OPHN1: variants seen among roughly 807,000 people sequenced by gnomAD.
OPHN1 encodes the protein oligophrenin-1.
OPHN1 carries 11 observed loss-of-function variants against 60.7 expected under a neutral mutation model. The observed-to-expected ratio is 0.18, with a 90% CI of 0.11 to 0.30. OPHN1 has a LOEUF of 0.30. Ranked by LOEUF, OPHN1 falls within the 10% of genes least tolerant of loss-of-function variation. The pLI is 1.00. For synonymous variants in OPHN1, 226 were observed against 222.6 expected, an observed-to-expected ratio of 1.02 and a Z score of -0.14; for missense variants, 449 against 611.0, an observed-to-expected ratio of 0.73 and a Z score of 2.80.
rs758527869 is a variant in OPHN1, at chrX:68,327,804, A to T, written c.155-28708T>A. On this transcript the variant is annotated intron_variant, in intron 2 of 24. Transcript: ENST00000355520. ...AATAAAAAATAAAAAAAATAAAAAA[A>T]AAAAAAAAAAAAATTTTAAACTTTT... Among the ~76,000 whole-genome samples, 93 of 73,090 alleles carry T rather than the reference A, an allele frequency of 1.3e-3. 6 individuals are homozygous for T. The highest frequency in any genetic ancestry group is 5.6e-3 in the Middle Eastern group (1 of 179). The allele number at this position is 73,090 out of a possible 115,157, so 63.5% of individuals were successfully genotyped here. A position where few individuals can be genotyped will look rare whatever the true frequency, so the allele number is the denominator to read the frequency against.
In OPHN1 at chrX:68,184,151, A is replaced by C. The variant is rs1158238625; in HGVS notation, c.1276+8768T>G. Among the ~76,000 whole-genome samples the C allele has an allele frequency of 2.7e-5, 3 of 111,991 alleles. No individual in the cohort carries two copies. The Admixed American group carries it at 2.8e-4, about 11-fold the overall frequency. ...CATGGCACATGTATACATATGTAAC[A>C]AACCTGCACGTTGTGCACATGTACC... On this transcript the variant is annotated intron_variant, in intron 15 of 24. Coordinates refer to ENST00000355520, the MANE Select transcript of OPHN1 (RefSeq NM_002547.3).
chrX:68,122,326 T>C (rs138088335), intron 15 of OPHN1, among the ~76,000 whole-genome samples: 1 of 111,463 alleles, frequency 9.0e-6, no homozygotes, highest in East Asian at 2.9e-4. Context: ...ATGGATTGGA[T>C]GAAAACACTC....
intron 15 of OPHN1, among the ~76,000 whole-genome samples, chrX:68,155,233 C>T (rs1297266423): frequency 2.7e-5 from 3 of 111,493 alleles, no homozygotes; most frequent in Non-Finnish European, 5.7e-5. Context: ...ACAGTTTTGG[C>T]ACACAAAAAA....
chrX:68,259,472 G>A (rs1436635067), intron 5 of OPHN1, among the ~76,000 whole-genome samples: 2 of 110,766 alleles, frequency 1.8e-5, no homozygotes, highest in African/African-American at 6.6e-5. Context: ...AATTGTTTAA[G>A]AAATCATGAG....
intron 6 of OPHN1, among the ~76,000 whole-genome samples, chrX:68,217,363 C>A (rs2077617866): frequency 8.9e-6 from 1 of 111,921 alleles, no homozygotes; most frequent in African/African-American, 3.2e-5. Context: ...GGGGCGCCCG[C>A]CATTGCCCAG....
chrX:68,208,305 G>A (rs1222981667), intron 9 of OPHN1, among the ~76,000 whole-genome samples: 2 of 110,357 alleles, frequency 1.8e-5, no homozygotes, highest in African/African-American at 6.6e-5. Context: ...TGGCCAGGCT[G>A]GTCTCAAACT....
chrX:68,250,347 T>C (rs2077827422), intron 5 of OPHN1, among the ~76,000 whole-genome samples: 1 of 112,611 alleles, frequency 8.9e-6, no homozygotes, highest in Admixed American at 9.4e-5. Flanking sequence ...TTTTATGCAC[T>C]ATCTCATTGA....
intron 2 of OPHN1, among the ~76,000 whole-genome samples, chrX:68,376,768 C>T (rs916879415): frequency 9.0e-6 from 1 of 111,435 alleles, no homozygotes; most frequent in Non-Finnish European, 1.9e-5. Context: ...TGATTTATGA[C>T]TTTGTTGACA....
chrX:68,058,729 G>C (rs1468940416), intron 21 of OPHN1, among the ~76,000 whole-genome samples: 1 of 111,539 alleles, frequency 9.0e-6, no homozygotes, highest in Non-Finnish European at 1.9e-5. Flanking sequence ...CAGATTCTTT[G>C]TATACCTAAT....
At chrX:68,119,097 T>C in intron 16 of OPHN1, 151 bp downstream of exon 16, 1 of 470,108 alleles carries the variant, frequency 2.1e-6, no homozygotes, top group Non-Finnish European at 3.8e-6. Context: ...AAACAGTCTT[T>C]GCACATTCTT....
chrX:68,367,570 G>A (rs1396105833), intron 2 of OPHN1, among the ~76,000 whole-genome samples: 1 of 111,067 alleles, frequency 9.0e-6, no homozygotes, highest in Admixed American at 9.7e-5. Context: ...GGTAGCCTAC[G>A]TTCCCAGTGT....
intron 15 of OPHN1, among the ~76,000 whole-genome samples, chrX:68,166,312 T>A (rs2077358155): frequency 8.9e-6 from 1 of 111,827 alleles, no homozygotes; most frequent in Non-Finnish European, 1.9e-5. Context: ...GGCGGGTGGA[T>A]AACCTGAGGT....
At chrX:68,304,057 A>G (rs2078133899) in intron 2 of OPHN1, among the ~76,000 whole-genome samples, 1 of 112,014 alleles carries the variant, frequency 8.9e-6, no homozygotes, top group Admixed American at 9.5e-5. Flanking sequence ...TATACATTCA[A>G]ATAGTTAGAA....
chrX:68,092,852 T>G (rs765745448), intron 19 of OPHN1, among the ~76,000 whole-genome samples: 90 of 111,097 alleles, frequency 8.1e-4, no homozygotes, highest in African/African-American at 2.8e-3. Context: ...AAAGAAAAAT[T>G]ATTTTGTTAT....
At chrX:68,313,292 C>A (rs777566975) in intron 2 of OPHN1, among the ~76,000 whole-genome samples, 1 of 110,867 alleles carries the variant, frequency 9.0e-6, no homozygotes, top group Non-Finnish European at 1.9e-5. Context: ...ATTGAGCTGC[C>A]GTATGATCCT....
At chrX:68,220,968 A>G (rs779093859) in intron 6 of OPHN1, among the ~76,000 whole-genome samples, 2,877 of 97,282 alleles carry the variant, frequency 0.03, 64 homozygotes, top group Middle Eastern at 0.094. Flanking sequence ...AGGGTATTCA[A>G]TTAGGAAAAG....
chrX:68,213,075 A>G (rs934465938), intron 7 of OPHN1, among the ~76,000 whole-genome samples: 2 of 112,485 alleles, frequency 1.8e-5, no homozygotes, highest in Non-Finnish European at 3.7e-5. Context: ...CCCATTAAAA[A>G]TCAAATACAC....
intron 5 of OPHN1, among the ~76,000 whole-genome samples, chrX:68,260,255 T>G (rs758477303): frequency 9.1e-6 from 1 of 110,463 alleles, no homozygotes; most frequent in Non-Finnish European, 1.9e-5. Context: ...TGGACTCATA[T>G]AGCAGGTAAT....
intron 5 of OPHN1, among the ~76,000 whole-genome samples, chrX:68,268,358 C>T (rs1251381320): frequency 7.2e-5 from 8 of 111,571 alleles, no homozygotes; most frequent in Admixed American, 1.9e-4. Context: ...ACTGGCAAAC[C>T]GAATCCAGCA....
Sources: gnomAD v4.1 joint callset for allele counts (sites outside exome capture counted in the v4.1 genomes callset) on GRCh38, gnomAD v4.1.1 for gene constraint, MANE v1.5 for transcripts, NCBI Gene and HGNC (gene_info 2026-07-23, HGNC 2026-07-21) for gene names.